Variants in SEC22A observed in about 807,000 individuals in gnomAD.
The protein encoded by SEC22A is vesicle-trafficking protein SEC22a.
In SEC22A, 22 loss-of-function variants were observed where a neutral mutation model predicts 35.3. The observed-to-expected ratio is 0.62, with a 90% CI of 0.45 to 0.89. The LOEUF is 0.89. Among genes scored for constraint, SEC22A ranks in the 40% least tolerant of loss-of-function variants. The pLI is 0.00. For missense variants in SEC22A, 354 were observed against 362.5 expected (o/e 0.98, Z 0.19); for synonymous variants, 119 against 129.5 (o/e 0.92, Z 0.55).
intron 4 of SEC22A, among the ~76,000 whole-genome samples, chr3:123,225,649 T>G (rs552447643): frequency 6.6e-6 from 1 of 152,332 alleles, no homozygotes; most frequent in South Asian, 2.1e-4. Flanking sequence ...CACATTAGGG[T>G]AAATGGGGTA....
At chr3:123,248,825 T>A (rs943860103) in intron 5 of SEC22A, among the ~76,000 whole-genome samples, 1 of 152,234 alleles carries the variant, frequency 6.6e-6, no homozygotes, top group African/African-American at 2.4e-5. Context: ...CAGAGCTTCA[T>A]TTTTGACACC....
chr3:123,212,245 A>C (rs540937538), intron 2 of SEC22A, among the ~76,000 whole-genome samples: 28 of 152,138 alleles, frequency 1.8e-4, no homozygotes, highest in Non-Finnish European at 3.8e-4. Flanking sequence ...TCACCTGGAT[A>C]ATGGTAAGAT....
intron 4 of SEC22A, among the ~76,000 whole-genome samples, chr3:123,236,641 C>T (rs1479838601): frequency 6.6e-6 from 1 of 152,146 alleles, no homozygotes; most frequent in Non-Finnish European, 1.5e-5. Context: ...TGTGCTAATG[C>T]TCCAAAGGTC....
At chr3:123,261,789 T>C (rs1188844056) in intron 6 of SEC22A, among the ~76,000 whole-genome samples, 1 of 152,176 alleles carries the variant, frequency 6.6e-6, no homozygotes, top group South Asian at 2.1e-4. Flanking sequence ...ACAGTTCTTA[T>C]AGCTTGTTAG....
rs779433710 is a variant in SEC22A at position 123,203,053 on chromosome 3, C to CTTTTTTTT, written c.-20+1094_-20+1101dup. 5.7e-4 allele frequency among the ~76,000 whole-genome samples: 25 copies of CTTTTTTTT among 43,838 alleles called. 2 individuals carry two copies. The highest frequency in any genetic ancestry group is 2.6e-3 in the East Asian group (3 of 1,152). The allele number at this position is 43,838 out of a possible 152,430, so 28.8% of individuals were successfully genotyped here. A position where few individuals can be genotyped will look rare whatever the true frequency, so the allele number is the denominator to read the frequency against. On this transcript the variant is annotated intron_variant, in intron 1 of 6. Coordinates refer to ENST00000492595, the MANE Select transcript of SEC22A (RefSeq NM_012430.5). ...GAAAACCATCACATCTGTTTAGTGCCTTTTTTTTTTTTTTTTTTTTTTTTT... is the reference window on the plus strand; with the variant it reads ...GAAAACCATCACATCTGTTTAGTGCCTTTTTTTTTTTTTTTTTTTTTTTTTTTTTTTTT...
At chr3:123,213,126 T>G (rs1936967039) in intron 2 of SEC22A, among the ~76,000 whole-genome samples, 1 of 152,184 alleles carries the variant, frequency 6.6e-6, no homozygotes, top group South Asian at 2.1e-4. Flanking sequence ...TGCATGTTTT[T>G]TTGTACCAAA....
intron 6 of SEC22A, among the ~76,000 whole-genome samples, chr3:123,269,177 ATATGTGTGTGTGTGTGTG>A (rs1938091856): frequency 8.9e-6 from 1 of 112,068 alleles, no homozygotes; most frequent in Non-Finnish European, 1.8e-5. Flanking sequence ...TGAATTAAAT[ATATGTGTGTGTGTGTGTG>A]TGTGTGTGTG....
At chr3:123,262,893 T>G (rs1040011771) in intron 6 of SEC22A, among the ~76,000 whole-genome samples, 7 of 152,190 alleles carry the variant, frequency 4.6e-5, no homozygotes, top group Admixed American at 1.3e-4. Flanking sequence ...TACGTGGAGT[T>G]GCAAGAGAGA....
At chr3:123,209,873 G>C (rs1936909976) in intron 2 of SEC22A, among the ~76,000 whole-genome samples, 1 of 152,170 alleles carries the variant, frequency 6.6e-6, no homozygotes, top group Admixed American at 6.5e-5. Flanking sequence ...TGACATTTGA[G>C]CAGAGACCTA....
intron 4 of SEC22A, among the ~76,000 whole-genome samples, chr3:123,228,576 CAAAA>C (rs528536258): frequency 0.022 from 1,813 of 83,024 alleles, 47 homozygotes; most frequent in African/African-American, 0.072. Flanking sequence ...AACTCCATCT[CAAAA>C]AAAAAAAAAA....
chr3:123,266,075 T>C (rs1441578444), intron 6 of SEC22A, among the ~76,000 whole-genome samples: 1 of 152,190 alleles, frequency 6.6e-6, no homozygotes, highest in Non-Finnish European at 1.5e-5. Flanking sequence ...TTACCAAATT[T>C]ATGTGTTTAG....
intron 6 of SEC22A, among the ~76,000 whole-genome samples, chr3:123,265,163 G>A (rs2332470): frequency 0.56 from 84,747 of 151,900 alleles, 24,001 homozygotes; most frequent in Non-Finnish European, 0.59. Flanking sequence ...TTAACATTGT[G>A]TTAGGTATTA....
intron 3 of SEC22A, 80 bp downstream of exon 3, chr3:123,223,802 G>T: frequency 1.0e-6 from 1 of 986,908 alleles, no homozygotes; most frequent in East Asian, 2.5e-5. Flanking sequence ...TTGGGTGGAG[G>T]GGGGACTTCT....
intron 5 of SEC22A, among the ~76,000 whole-genome samples, chr3:123,252,443 T>G (rs980624107): frequency 3.3e-5 from 5 of 152,172 alleles, no homozygotes; most frequent in Admixed American, 1.3e-4. Context: ...GGAAGGGCAG[T>G]ACCCCAGATT....
Position 123,271,566 on chromosome 3 carries a change from T to C in SEC22A, c.768T>C (p.Ser256=), listed in dbSNP as rs1169794539. The change falls in exon 7 of 7, where the codon TCT becomes TCC. Residue 256 remains serine, a synonymous_variant. Coordinates refer to ENST00000492595, the MANE Select transcript of SEC22A (RefSeq NM_012430.5). ...ACACCGGCTGGCGGAATGTCAAATCTTTTTTGACTTTTGGCTTAATCTGTC... is the reference window on the plus strand; with the variant it reads ...ACACCGGCTGGCGGAATGTCAAATCCTTTTTGACTTTTGGCTTAATCTGTC... ...VYYTGWRNVK[S]FLTFGLICLC... 6.2e-7 allele frequency: 1 copy of C among 1,613,928 alleles called. No homozygotes were observed. Among genetic ancestry groups the C allele is most frequent in the African/African-American group, 1.3e-5 (1 of 74,944 alleles).
At chr3:123,248,155 A>T (rs1403816656) in intron 5 of SEC22A, among the ~76,000 whole-genome samples, 1 of 152,214 alleles carries the variant, frequency 6.6e-6, no homozygotes, top group African/African-American at 2.4e-5. Flanking sequence ...GGAACAGGGC[A>T]AGGATGTCCC....
chr3:123,266,780 T>A (rs1208042799), intron 6 of SEC22A, among the ~76,000 whole-genome samples: 2 of 152,190 alleles, frequency 1.3e-5, no homozygotes, highest in African/African-American at 2.4e-5. Context: ...GTTCTGTAAA[T>A]GTTTAGATCA....
rs527720395 is a variant in SEC22A, at chr3:123,271,841, A to G, written c.*119A>G. 1.9e-4 allele frequency: 157 copies of G among 843,380 alleles called. No homozygotes were observed. In the African/African-American group the frequency reaches 2.5e-3, roughly 13 times the overall value. 52.2% of individuals were successfully genotyped at this position (843,380 alleles called of 1,614,324 possible). A position where few individuals can be genotyped will look rare whatever the true frequency, so the allele number is the denominator to read the frequency against. The stretch of plus-strand genomic sequence containing the variant: ...GAGAAGCTCTGCTTTCTTTCTCTCC[A>G]ACTTTCCTTTTTTAAAATCAGCATG... On this transcript the variant is annotated 3_prime_UTR_variant, in exon 7 of 7. Coordinates refer to ENST00000492595, the MANE Select transcript of SEC22A (RefSeq NM_012430.5).
intron 2 of SEC22A, among the ~76,000 whole-genome samples, chr3:123,220,714 A>G (rs927492912): frequency 6.6e-6 from 1 of 151,840 alleles, no homozygotes; most frequent in Non-Finnish European, 1.5e-5. Context: ...ATGACTGTGT[A>G]TTAAGTGATG....
Sources: gnomAD v4.1 joint callset for allele counts (sites outside exome capture counted in the v4.1 genomes callset) on GRCh38, gnomAD v4.1.1 for gene constraint, MANE v1.5 for transcripts, NCBI Gene and HGNC (gene_info 2026-07-23, HGNC 2026-07-21) for gene names.